Variants in GNAT3 observed in about 807,000 individuals in gnomAD.
The protein encoded by GNAT3 is G protein subunit alpha transducin 3, also known as guanine nucleotide-binding protein G(t) subunit alpha-3.
In GNAT3, 31 loss-of-function variants were observed where a neutral mutation model predicts 37.7. That is an observed-to-expected ratio of 0.82 (90% confidence interval 0.62 to 1.11). The LOEUF (loss-of-function observed/expected upper bound fraction) is 1.11. Among genes scored for constraint, GNAT3 ranks in the 50% most tolerant of loss-of-function variants. The probability of loss-of-function intolerance (pLI) is 0.00; values close to 1 mark genes in which losing one functional copy is unlikely to be tolerated. For synonymous variants in GNAT3, 138 were observed against 139.8 expected (o/e 0.99, Z 0.09); for missense variants, 437 against 412.5 (o/e 1.06, Z -0.51).
chr7:80,477,496 A>G (rs78060664), intron 4 of GNAT3, among the ~76,000 whole-genome samples: 4,309 of 152,138 alleles, frequency 0.028, 100 homozygotes, highest in Middle Eastern at 0.048. Flanking sequence ...GCTAGGAAAA[A>G]CTCCTCCAAA....
chr7:80,461,442 G>A (rs987209049), intron 7 of GNAT3, among the ~76,000 whole-genome samples: 13 of 152,180 alleles, frequency 8.5e-5, no homozygotes, highest in Admixed American at 4.6e-4. Flanking sequence ...CCAGCCACTC[G>A]GGAGGCTGAA....
intron 1 of GNAT3, among the ~76,000 whole-genome samples, chr7:80,510,574 G>C (rs932609022): frequency 6.6e-5 from 10 of 152,068 alleles, no homozygotes; most frequent in African/African-American, 2.4e-4. Flanking sequence ...GAATTCTATG[G>C]TGTGTTAGGA....
intron 2 of GNAT3, among the ~76,000 whole-genome samples, chr7:80,493,684 CTCTT>C (rs1460734820): frequency 1.6e-5 from 2 of 127,844 alleles, no homozygotes; most frequent in African/African-American, 6.3e-5. Flanking sequence ...CCTCCTCCTC[CTCTT>C]TCCTCCTCCT....
intron 1 of GNAT3, among the ~76,000 whole-genome samples, chr7:80,500,537 G>A (rs899300728): frequency 1.3e-5 from 2 of 151,912 alleles, no homozygotes; most frequent in Non-Finnish European, 2.9e-5. Flanking sequence ...GTCAAGGGCA[G>A]GAAACTATGT....
intron 1 of GNAT3, among the ~76,000 whole-genome samples, chr7:80,498,631 T>C (rs1204474262): frequency 6.6e-6 from 1 of 152,100 alleles, no homozygotes; most frequent in Non-Finnish European, 1.5e-5. Flanking sequence ...TTCAGTCTTG[T>C]GAGATTAGAT....
intron 5 of GNAT3, among the ~76,000 whole-genome samples, chr7:80,462,951 G>C (rs957670127): frequency 6.6e-6 from 1 of 152,106 alleles, no homozygotes; most frequent in Non-Finnish European, 1.5e-5. Flanking sequence ...TAAAAGTTTA[G>C]ACATATTCTC....
intron 2 of GNAT3, among the ~76,000 whole-genome samples, chr7:80,490,199 A>G (rs1022166226): frequency 1.3e-5 from 2 of 152,196 alleles, no homozygotes; most frequent in Non-Finnish European, 2.9e-5. Flanking sequence ...GCTCCTCTGT[A>G]TAATACATTA....
intron 5 of GNAT3, among the ~76,000 whole-genome samples, chr7:80,465,418 A>C (rs1790114555): frequency 1.3e-5 from 2 of 152,102 alleles, no homozygotes; most frequent in South Asian, 4.1e-4. Context: ...CCTCTTCAGG[A>C]ACTTGCAAGG....
intron 1 of GNAT3, among the ~76,000 whole-genome samples, chr7:80,498,665 C>T (rs1433843563): frequency 2.0e-5 from 3 of 152,116 alleles, no homozygotes; most frequent in Non-Finnish European, 2.9e-5. Context: ...CAAATATAGA[C>T]ATTATAACAG....
At chr7:80,474,118 G>A (rs1343354051) in intron 5 of GNAT3, 133 bp downstream of exon 5, 5 of 792,728 alleles carry the variant, frequency 6.3e-6, no homozygotes, top group Non-Finnish European at 1.0e-5. Flanking sequence ...CAGCGGTACT[G>A]AAGGTAAACT....
intron 1 of GNAT3, among the ~76,000 whole-genome samples, chr7:80,504,441 C>G (rs2116228115): frequency 6.6e-6 from 1 of 152,168 alleles, no homozygotes; most frequent in South Asian, 2.1e-4. Flanking sequence ...ATGAAAGAGA[C>G]TAAACAGGAT....
intron 5 of GNAT3, among the ~76,000 whole-genome samples, chr7:80,464,317 G>T (rs1337168774): frequency 1.3e-5 from 2 of 152,048 alleles, no homozygotes; most frequent in African/African-American, 2.4e-5. Flanking sequence ...AACCTAAGGA[G>T]ATGAGGGGTT....
intron 1 of GNAT3, among the ~76,000 whole-genome samples, chr7:80,510,476 A>C (rs187482772): frequency 5.9e-5 from 9 of 152,310 alleles, no homozygotes; most frequent in Non-Finnish European, 4.4e-5. Flanking sequence ...TATAAAAATG[A>C]ATTTGTAAGA....
At chr7:80,475,009 G>C (rs754098347) in intron 4 of GNAT3, among the ~76,000 whole-genome samples, 9 of 152,032 alleles carry the variant, frequency 5.9e-5, no homozygotes, top group Non-Finnish European at 1.2e-4. Flanking sequence ...AATAAAAGAA[G>C]TACCATTTGT....
chr7:80,497,672 A>G (rs547613547), intron 1 of GNAT3, among the ~76,000 whole-genome samples: 2 of 94,570 alleles, frequency 2.1e-5, no homozygotes, highest in African/African-American at 8.6e-5. Context: ...ACGTATATAC[A>G]TACATATATA....
At chr7:80,508,667 G>C (rs570554609) in intron 1 of GNAT3, among the ~76,000 whole-genome samples, 1 of 152,082 alleles carries the variant, frequency 6.6e-6, no homozygotes, top group African/African-American at 2.4e-5. Context: ...TTTGGCATCT[G>C]TTCTGTAATT....
intron 1 of GNAT3, among the ~76,000 whole-genome samples, chr7:80,496,504 C>CT (rs1377142916): frequency 6.6e-5 from 10 of 150,910 alleles, no homozygotes; most frequent in Admixed American, 1.3e-4. Flanking sequence ...CACTTCTTTC[C>CT]TAACACTTTT....
chr7:80,464,210 G>A (rs568948154), intron 5 of GNAT3, among the ~76,000 whole-genome samples: 2 of 152,038 alleles, frequency 1.3e-5, no homozygotes, highest in South Asian at 4.1e-4. Context: ...ATATCCATAT[G>A]AAAATAGACT....
At chr7:80,461,633 C>G (rs1017038888) in intron 7 of GNAT3, among the ~76,000 whole-genome samples, 1 of 151,664 alleles carries the variant, frequency 6.6e-6, no homozygotes, top group Non-Finnish European at 1.5e-5. Context: ...AGAAACAGCC[C>G]TTCTGTGGGA....
Sources: gnomAD v4.1 joint callset for allele counts (sites outside exome capture counted in the v4.1 genomes callset) on GRCh38, gnomAD v4.1.1 for gene constraint, MANE v1.5 for transcripts, NCBI Gene and HGNC (gene_info 2026-07-23, HGNC 2026-07-21) for gene names.